OXR1: variants seen among roughly 807,000 people sequenced by gnomAD.
The protein encoded by OXR1 is oxidation resistance 1.
In OXR1, 41 loss-of-function variants were observed where a neutral mutation model predicts 104.6. The observed-to-expected ratio is 0.39, with a 90% CI of 0.31 to 0.51. The LOEUF is 0.51. Among genes scored for constraint, OXR1 ranks in the 20% least tolerant of loss-of-function variants. OXR1 has a pLI of 0.77. For missense variants in OXR1, 955 were observed against 1,031.9 expected (o/e 0.93, Z 1.02); for synonymous variants, 348 against 348.4 (o/e 1.00, Z 0.01).
At chr8:106,540,908 T>C (rs1412383131) in intron 3 of OXR1, among the ~76,000 whole-genome samples, 1 of 152,192 alleles carries the variant, frequency 6.6e-6, no homozygotes, top group African/African-American at 2.4e-5. Context: ...CACCAAGTTC[T>C]TTCCATGACA....
Position 106,302,543 on chromosome 8 carries a change from G to A in OXR1, c.-139+32176G>A, listed in dbSNP as rs1464423476. Among the ~76,000 whole-genome samples, 3 of 148,038 alleles carry A rather than the reference G, an allele frequency of 2.0e-5. No homozygotes were observed. The East Asian group carries it at 6.1e-4, about 30-fold the overall frequency. ...GGAGCTTGCAGTGAGCTTAGATCGC[G>A]CCAGTGCACTCCAGCCTGGGCGACA... On this transcript the variant is annotated intron_variant, in intron 1 of 16. Coordinates refer to ENST00000517566, the MANE Select transcript of OXR1 (RefSeq NM_001198533.2).
intron 2 of OXR1, among the ~76,000 whole-genome samples, chr8:106,504,913 C>T (rs758321018): frequency 1.3e-5 from 2 of 152,048 alleles, no homozygotes; most frequent in Non-Finnish European, 2.9e-5. Context: ...TGATTTTTCT[C>T]CTAATGTAAT....
intron 16 of OXR1, among the ~76,000 whole-genome samples, chr8:106,748,803 CAG>C (rs1554638248): frequency 1.3e-5 from 2 of 151,418 alleles, no homozygotes; most frequent in Non-Finnish European, 2.9e-5. Context: ...CTACTGACCT[CAG>C]GGGATCCACC....
intron 2 of OXR1, among the ~76,000 whole-genome samples, chr8:106,408,921 C>A (rs1043712521): frequency 6.6e-6 from 1 of 152,140 alleles, no homozygotes; most frequent in African/African-American, 2.4e-5. Flanking sequence ...ATTTATTGTT[C>A]CCGTTTCAGG....
intron 16 of OXR1, among the ~76,000 whole-genome samples, chr8:106,749,409 G>A (rs1298221145): frequency 6.6e-6 from 1 of 151,710 alleles, no homozygotes; most frequent in Admixed American, 6.6e-5. Context: ...AATGCCATGT[G>A]ACTCCTGATG....
intron 11 of OXR1, among the ~76,000 whole-genome samples, chr8:106,723,002 C>T (rs1832957577): frequency 6.6e-6 from 1 of 152,062 alleles, no homozygotes; most frequent in Non-Finnish European, 1.5e-5. Context: ...TTTGCTTTCC[C>T]TGTTAAAAAT....
chr8:106,592,653 C>A (rs975362755), intron 3 of OXR1, among the ~76,000 whole-genome samples: 1 of 152,052 alleles, frequency 6.6e-6, no homozygotes, highest in African/African-American at 2.4e-5. Context: ...TTTGGTATAG[C>A]AAGGTATAGG....
chr8:106,606,187 C>T lies in OXR1; in HGVS notation c.221-73023C>T, dbSNP rs574781561. ...GAATCCATTTTCTTGCCTTTTCTAG[C>T]TTCTAGAGGCCCCCTACTTTCCCTG... On this transcript the variant is annotated intron_variant, in intron 3 of 16. Coordinates refer to ENST00000517566, the MANE Select transcript of OXR1 (RefSeq NM_001198533.2). Among the ~76,000 whole-genome samples, 33 of 152,234 alleles carry T rather than the reference C, an allele frequency of 2.2e-4. No homozygotes were observed. In the Middle Eastern group the frequency reaches 0.01, roughly 47 times the overall value.
At chr8:106,418,704 C>T (rs866591894) in intron 2 of OXR1, among the ~76,000 whole-genome samples, 1 of 152,030 alleles carries the variant, frequency 6.6e-6, no homozygotes, top group Non-Finnish European at 1.5e-5. Context: ...AATGAGACTG[C>T]AAAATAGCAG....
chr8:106,446,015 C>G lies in OXR1; in HGVS notation c.24-72928C>G, dbSNP rs550943099. Among the ~76,000 whole-genome samples, 5 of 152,220 alleles carry G rather than the reference C, an allele frequency of 3.3e-5. No individual in the cohort carries two copies. In the East Asian group the frequency reaches 7.7e-4, roughly 24 times the overall value. ...ATCTGCAGAGGGAAGCAAGAAGAAC[C>G]CTTTCTTACTAGGCTATCAAATAGA... On this transcript the variant is annotated intron_variant, in intron 2 of 16. Transcript: ENST00000517566.
At chr8:106,385,479 G>A (rs780427771) in intron 2 of OXR1, among the ~76,000 whole-genome samples, 8 of 152,012 alleles carry the variant, frequency 5.3e-5, no homozygotes, top group Non-Finnish European at 1.2e-4. Flanking sequence ...CTTATATAAT[G>A]CTATATTATG....
chr8:106,679,101 C>T (rs967056169), intron 3 of OXR1, 109 bp from the exon 4 acceptor site: 8 of 575,130 alleles, frequency 1.4e-5, no homozygotes, highest in Non-Finnish European at 2.5e-5. Context: ...AGGGAGTAAG[C>T]TGTATTACTA....
chr8:106,586,121 A>C (rs1818611059), intron 3 of OXR1, among the ~76,000 whole-genome samples: 1 of 152,216 alleles, frequency 6.6e-6, no homozygotes, highest in African/African-American at 2.4e-5. Flanking sequence ...GTGGAAAACA[A>C]ATTGTTGGAA....
At chr8:106,344,371 T>G (rs1401163670) in intron 1 of OXR1, among the ~76,000 whole-genome samples, 1 of 152,220 alleles carries the variant, frequency 6.6e-6, no homozygotes, top group African/African-American at 2.4e-5. Flanking sequence ...GGTGTCTCGC[T>G]CTGTCACTCA....
intron 3 of OXR1, among the ~76,000 whole-genome samples, chr8:106,532,408 A>G (rs1814166439): frequency 6.6e-6 from 1 of 152,222 alleles, no homozygotes. Flanking sequence ...AACCTTGGAC[A>G]AGTCACTTAA....
At chr8:106,709,207 A>G (rs1831454947) in intron 9 of OXR1, among the ~76,000 whole-genome samples, 2 of 152,142 alleles carry the variant, frequency 1.3e-5, no homozygotes, top group African/African-American at 2.4e-5. Context: ...ATAGAACAAA[A>G]TCATATGTGT....
chr8:106,631,177 A>G (rs1342088437), intron 3 of OXR1, among the ~76,000 whole-genome samples: 1 of 152,208 alleles, frequency 6.6e-6, no homozygotes, highest in Non-Finnish European at 1.5e-5. Flanking sequence ...AACCCTGTGT[A>G]TGTTTGATCA....
At chr8:106,534,014 G>A (rs1814293726) in intron 3 of OXR1, among the ~76,000 whole-genome samples, 1 of 152,058 alleles carries the variant, frequency 6.6e-6, no homozygotes, top group Admixed American at 6.6e-5. Context: ...CGCGCAGCCA[G>A]GTTTACCTTT....
intron 7 of OXR1, among the ~76,000 whole-genome samples, chr8:106,694,778 C>CATATTAAT: frequency 1.2e-5 from 1 of 86,606 alleles, no homozygotes; most frequent in South Asian, 4.0e-4. Context: ...TAGATAAATA[C>CATATTAAT]ATATATATTT....
Sources: gnomAD v4.1 joint callset for allele counts (sites outside exome capture counted in the v4.1 genomes callset) on GRCh38, gnomAD v4.1.1 for gene constraint, MANE v1.5 for transcripts, NCBI Gene and HGNC (gene_info 2026-07-23, HGNC 2026-07-21) for gene names.